PHLPP1: variants seen among roughly 807,000 people sequenced by gnomAD.
The protein encoded by PHLPP1 is PH domain and leucine rich repeat protein phosphatase 1, also known as PH domain leucine-rich repeat-containing protein phosphatase 1.
A neutral mutation model predicts 117.2 loss-of-function variants in PHLPP1; 42 were observed. That is an observed-to-expected ratio of 0.36 (90% CI 0.28 to 0.46). The LOEUF (loss-of-function observed/expected upper bound fraction) is 0.46. Ranked by LOEUF, PHLPP1 falls within the 20% of genes least tolerant of loss-of-function variation. PHLPP1 has a pLI of 1.00. For missense variants in PHLPP1, 2,084 were observed against 2,241.9 expected (o/e 0.93, Z 1.42); for synonymous variants, 1,042 against 970.7 (o/e 1.07, Z -1.37).
In PHLPP1 at chr18:62,978,619, T is replaced by C. The variant is rs1911275492; in HGVS notation, c.4342T>C (p.Phe1448Leu). 2 of 1,613,846 alleles carry C rather than the reference T, an allele frequency of 1.2e-6. No individual in the cohort carries two copies. Among genetic ancestry groups the C allele is most frequent in the East Asian group, 2.2e-5 (1 of 44,874 alleles). ...GAVPPPSPGIFPPSVNMVIKD... is the reference protein window; with the variant it reads ...GAVPPPSPGILPPSVNMVIKD... ...TGTGCCACCACCCAGTCCTGGCATCTTTCCTCCCTCAGTGAACATGGTGAT... is the reference window on the plus strand; with the variant it reads ...TGTGCCACCACCCAGTCCTGGCATCCTTCCTCCCTCAGTGAACATGGTGAT... The change falls in exon 17 of 17, where the codon TTT (phenylalanine) becomes CTT (leucine). Residue 1448 changes from phenylalanine to leucine, a missense_variant. By Grantham distance (22) the Phe-to-Leu change is conservative (BLOSUM62 0). Coordinates refer to ENST00000262719, the MANE Select transcript of PHLPP1 (RefSeq NM_194449.4). This position sits in a 1 kb window ranked among gnomAD's most constrained non-coding sequence, Gnocchi z 7.0.
At chr18:62,803,734 A>C (rs1599055691) in intron 1 of PHLPP1, among the ~76,000 whole-genome samples, 1 of 152,304 alleles carries the variant, frequency 6.6e-6, no homozygotes, top group East Asian at 1.9e-4. Flanking sequence ...GATAAGTTAT[A>C]GGGTATTTAT....
At position 62,941,932 on chromosome 18, in the gene PHLPP1, G is replaced by A. The variant is rs1445761053; in HGVS notation, c.3161+14G>A. On this transcript the variant is annotated intron_variant, in intron 11 of 16. Transcript: ENST00000262719. ...TTTTCCAGCAAGGTAAAGGACAGTTGTAAAGCTGCGTTCTGAATTGCATTT... is the reference window on the plus strand; with the variant it reads ...TTTTCCAGCAAGGTAAAGGACAGTTATAAAGCTGCGTTCTGAATTGCATTT... 3.1e-6 allele frequency: 5 copies of A among 1,589,184 alleles called. No individual in the cohort carries two copies. Among genetic ancestry groups the A allele is most frequent in the Non-Finnish European group, 3.5e-6 (4 of 1,159,016 alleles).
intron 4 of PHLPP1, among the ~76,000 whole-genome samples, chr18:62,874,093 A>G (rs922933167): frequency 4.0e-5 from 6 of 151,674 alleles, no homozygotes; most frequent in East Asian, 1.9e-4. Context: ...CTGAGACAGG[A>G]GAATCGCTTC....
intron 1 of PHLPP1, among the ~76,000 whole-genome samples, chr18:62,722,719 G>T (rs1001775189): frequency 6.6e-6 from 1 of 152,086 alleles, no homozygotes; most frequent in Non-Finnish European, 1.5e-5. Flanking sequence ...ATAACCTAAG[G>T]CTGTATGACT....
intron 1 of PHLPP1, among the ~76,000 whole-genome samples, chr18:62,783,210 A>G (rs1212479100): frequency 6.7e-6 from 1 of 148,320 alleles, no homozygotes; most frequent in Non-Finnish European, 1.5e-5. Context: ...TGCTCCCCAC[A>G]AGCCTTTCTT....
At chr18:62,865,116 G>C (rs1915739511) in intron 4 of PHLPP1, among the ~76,000 whole-genome samples, 1 of 152,126 alleles carries the variant, frequency 6.6e-6, no homozygotes, top group East Asian at 1.9e-4. Context: ...TTGAGACCAG[G>C]AGTTTGAAAC....
intron 1 of PHLPP1, among the ~76,000 whole-genome samples, chr18:62,774,269 A>G (rs908589482): frequency 2.0e-5 from 3 of 151,956 alleles, no homozygotes; most frequent in African/African-American, 7.3e-5. Flanking sequence ...GAATTCAGCT[A>G]TTTTTGCTCC....
In PHLPP1 at chr18:62,928,331, AG is replaced by A. The variant is rs1157051831; in HGVS notation, c.2960+8218del. On this transcript the variant is annotated intron_variant, in intron 10 of 16. Coordinates refer to ENST00000262719, the MANE Select transcript of PHLPP1 (RefSeq NM_194449.4). ...ACAATTCACAATAAAGAAGACAAAT[AG>A]CTGAATGAAAAATATGCTCACAGGA... Among the ~76,000 whole-genome samples, 11 of 98,732 alleles carry A rather than the reference AG, an allele frequency of 1.1e-4. No homozygotes were observed. The East Asian group carries it at 2.2e-3, about 20-fold the overall frequency. 64.8% of individuals were successfully genotyped at this position (98,732 alleles called of 152,430 possible). A position where few individuals can be genotyped will look rare whatever the true frequency, so the allele number is the denominator to read the frequency against.
intron 1 of PHLPP1, among the ~76,000 whole-genome samples, chr18:62,805,745 G>T (rs1381814393): frequency 3.3e-5 from 5 of 151,946 alleles, no homozygotes; most frequent in African/African-American, 7.3e-5. Flanking sequence ...ATAATGATTG[G>T]TTTTTGTGGG....
Position 62,822,857 on chromosome 18 carries a change from A to G in PHLPP1, c.1577-7178A>G, listed in dbSNP as rs550984633. On this transcript the variant is annotated intron_variant, in intron 1 of 16. Transcript: ENST00000262719. ...ACTAATCAATAAATTGACCTATATA[A>G]CTATTGGCAACTCAGTTTTATTGCA... Among the ~76,000 whole-genome samples, 3 of 152,300 alleles carry G rather than the reference A, an allele frequency of 2.0e-5. No homozygotes were observed. The East Asian group carries it at 5.8e-4, about 29-fold the overall frequency.
Position 62,756,693 on chromosome 18 carries a change from T to C in PHLPP1, c.1576+39434T>C, listed in dbSNP as rs553248528. Among the ~76,000 whole-genome samples the C allele has an allele frequency of 6.8e-4, 104 of 152,194 alleles. 2 individuals are homozygous for C. Among genetic ancestry groups the C allele is most frequent in the Non-Finnish European group, 2.2e-4 (15 of 68,040 alleles). On this transcript the variant is annotated intron_variant, in intron 1 of 16. Transcript: ENST00000262719. ...GGGGGATAGGAAGAAACGGATACTT[T>C]TTCTTAAGAAAAATTCCCCAAAGCC...
intron 1 of PHLPP1, among the ~76,000 whole-genome samples, chr18:62,735,979 A>G (rs1287393280): frequency 6.6e-6 from 1 of 152,114 alleles, no homozygotes; most frequent in Admixed American, 6.5e-5. Flanking sequence ...TAAAAAAAAA[A>G]AGAGTATAGC....
intron 1 of PHLPP1, among the ~76,000 whole-genome samples, chr18:62,783,546 T>C (rs1375441197): frequency 6.6e-6 from 1 of 152,226 alleles, no homozygotes; most frequent in African/African-American, 2.4e-5. Flanking sequence ...TTTCAATAAA[T>C]GCTATATTGT....
At chr18:62,852,274 G>A (rs900203784) in intron 3 of PHLPP1, among the ~76,000 whole-genome samples, 3 of 152,142 alleles carry the variant, frequency 2.0e-5, no homozygotes, top group Non-Finnish European at 4.4e-5. Context: ...AATTTCATAA[G>A]TATAAAACTG....
intron 4 of PHLPP1, among the ~76,000 whole-genome samples, chr18:62,876,170 A>G (rs913011483): frequency 3.0e-4 from 45 of 152,340 alleles, no homozygotes; most frequent in African/African-American, 1.0e-3. Context: ...GAGGATTTGA[A>G]GTTGGAAAAG....
intron 1 of PHLPP1, among the ~76,000 whole-genome samples, chr18:62,784,951 A>G (rs1223966410): frequency 6.6e-6 from 1 of 152,220 alleles, no homozygotes; most frequent in Non-Finnish European, 1.5e-5. Context: ...GGAGGGGAGA[A>G]TAATTTGAAA....
chr18:62,904,171 G>T (rs1440135781), intron 7 of PHLPP1, among the ~76,000 whole-genome samples: 3 of 152,196 alleles, frequency 2.0e-5, no homozygotes, highest in Non-Finnish European at 4.4e-5. Flanking sequence ...GCACTGAAGG[G>T]TTATAGGATT....
At chr18:62,953,445 T>A (rs1910521871) in intron 12 of PHLPP1, among the ~76,000 whole-genome samples, 1 of 152,230 alleles carries the variant, frequency 6.6e-6, no homozygotes. Context: ...TTAACTTTGA[T>A]TCTGCACAAA....
At chr18:62,972,136 T>C (rs1599148038) in intron 14 of PHLPP1, among the ~76,000 whole-genome samples, 1 of 152,246 alleles carries the variant, frequency 6.6e-6, no homozygotes, top group Admixed American at 6.5e-5. Flanking sequence ...TTTCCCAGTG[T>C]TTTAGTTTTC....
Sources: allele counts gnomAD v4.1 joint callset (sites outside exome capture counted in the v4.1 genomes callset), GRCh38; gene constraint gnomAD v4.1.1; non-coding constraint Gnocchi (gnomAD v3.1); transcripts MANE v1.5; gene names NCBI Gene and HGNC (gene_info 2026-07-23, HGNC 2026-07-21).